The following CLNK variants were observed in gnomAD, a reference collection of about 807,000 sequenced individuals.
The protein encoded by CLNK is cytokine dependent hematopoietic cell linker, also known as cytokine-dependent hematopoietic cell linker.
Under a neutral mutation model 68.6 loss-of-function variants are expected in CLNK, and 74 were observed. The ratio of observed to expected loss-of-function variants is 1.08; its 90% CI spans 0.89 to 1.31. The LOEUF is 1.31. Ranked by LOEUF, CLNK falls within the 50% of genes most tolerant of loss-of-function variation. CLNK has a pLI of 0.00. For missense variants in CLNK, 553 were observed against 515.3 expected (o/e 1.07, Z -0.71); for synonymous variants, 198 against 172.2 (o/e 1.15, Z -1.17).
chr4:10,679,833 G>A (rs1295460026), intron 1 of CLNK, among the ~76,000 whole-genome samples: 1 of 152,130 alleles, frequency 6.6e-6, no homozygotes, highest in East Asian at 1.9e-4. Flanking sequence ...TCTCACACCA[G>A]TTAGAATGGC....
chr4:10,621,918 C>A (rs1722475044), intron 2 of CLNK, among the ~76,000 whole-genome samples: 1 of 152,112 alleles, frequency 6.6e-6, no homozygotes, highest in Admixed American at 6.5e-5. Flanking sequence ...TGCCATTTAG[C>A]CCAGGTATTT....
the CLNK span, among the ~76,000 whole-genome samples, chr4:10,729,589 A>G: frequency 6.6e-6 from 1 of 152,188 alleles, no homozygotes; most frequent in African/African-American, 2.4e-5. Context: ...CTGAAATACT[A>G]TTCAGCCATA....
chr4:10,716,652 G>A, the CLNK span, among the ~76,000 whole-genome samples: 7 of 147,492 alleles, frequency 4.7e-5, no homozygotes, highest in Middle Eastern at 3.8e-3. Context: ...CTACCAAAAG[G>A]AATAGGAAAG....
intron 8 of CLNK, among the ~76,000 whole-genome samples, chr4:10,553,495 A>G (rs1298782169): frequency 6.6e-6 from 1 of 151,662 alleles, no homozygotes; most frequent in Non-Finnish European, 1.5e-5. Flanking sequence ...TCTGTCACCC[A>G]GGCTGGAGTG....
chr4:10,706,773 G>A, the CLNK span, among the ~76,000 whole-genome samples: 3 of 152,216 alleles, frequency 2.0e-5, no homozygotes, highest in Middle Eastern at 6.8e-3. Context: ...AAGCCACCCT[G>A]CCTTGCCTTT....
At chr4:10,631,907 T>C (rs1033585032) in intron 2 of CLNK, among the ~76,000 whole-genome samples, 1 of 152,204 alleles carries the variant, frequency 6.6e-6, no homozygotes, top group African/African-American at 2.4e-5. Flanking sequence ...AATATGTCTT[T>C]TTTTGAGGTC....
chr4:10,621,689 G>A (rs1003934685), intron 2 of CLNK, among the ~76,000 whole-genome samples: 2 of 152,202 alleles, frequency 1.3e-5, no homozygotes, highest in African/African-American at 4.8e-5. Context: ...ATACTGTCAA[G>A]AAAAGGATGA....
the CLNK span, among the ~76,000 whole-genome samples, chr4:10,710,842 T>C: frequency 6.6e-5 from 10 of 152,194 alleles, no homozygotes; most frequent in Non-Finnish European, 8.8e-5. Context: ...TTTTGTACAG[T>C]CCTCTTCACA....
intron 14 of CLNK, among the ~76,000 whole-genome samples, chr4:10,522,572 CAAA>C (rs58663693): frequency 3.4e-5 from 4 of 116,386 alleles, no homozygotes; most frequent in South Asian, 3.1e-4. Flanking sequence ...GAAACTCTCT[CAAA>C]AAAAAAAAAA....
chr4:10,513,832 A>ATTATTATTATT, intron 15 of CLNK, among the ~76,000 whole-genome samples: 1 of 145,660 alleles, frequency 6.9e-6, no homozygotes, highest in African/African-American at 2.5e-5. Context: ...TTTTTTTTTA[A>ATTATTATTATT]ATTATTATTA....
the CLNK span, among the ~76,000 whole-genome samples, chr4:10,691,058 T>C: frequency 6.6e-6 from 1 of 152,064 alleles, no homozygotes; most frequent in Non-Finnish European, 1.5e-5. Flanking sequence ...GAGGTCTAAG[T>C]AATGAAAAAG....
the CLNK span, among the ~76,000 whole-genome samples, chr4:10,716,346 C>A: frequency 6.6e-6 from 1 of 152,208 alleles, no homozygotes; most frequent in African/African-American, 2.4e-5. Context: ...TAAAAGAGAA[C>A]CATGAAGAAC....
At chr4:10,535,293 G>A (rs1267681962) in intron 11 of CLNK, among the ~76,000 whole-genome samples, 1 of 148,976 alleles carries the variant, frequency 6.7e-6, no homozygotes, top group Non-Finnish European at 1.5e-5. Flanking sequence ...TTAGGCAAGT[G>A]GGTGTTTTGT....
chr4:10,691,079 G>A, the CLNK span, among the ~76,000 whole-genome samples: 3 of 152,120 alleles, frequency 2.0e-5, no homozygotes, highest in South Asian at 2.1e-4. Context: ...ACCCAGCCAC[G>A]TGAAGCTCTG....
At position 10,576,798 on chromosome 4, in the gene CLNK, T is replaced by C. The variant is rs577617090; in HGVS notation, c.113-5020A>G. On this transcript the variant is annotated intron_variant, in intron 4 of 18. Coordinates refer to ENST00000226951, the MANE Select transcript of CLNK (RefSeq NM_052964.4). The stretch of plus-strand genomic sequence containing the variant: ...CTGGTGACATTTATTCACCTTGAAG[T>C]TTTAGAACCGCTAAGTTAGAAGCTC... 4.0e-3 allele frequency among the ~76,000 whole-genome samples: 606 copies of C among 152,328 alleles called. 2 individuals carry two copies. The highest frequency in any genetic ancestry group is 6.9e-3 in the Non-Finnish European group (472 of 68,020).
At chr4:10,566,282 G>A (rs1398201751) in intron 5 of CLNK, 132 bp from the exon 6 acceptor site, 1 of 847,470 alleles carries the variant, frequency 1.2e-6, no homozygotes, top group East Asian at 2.4e-5. Context: ...CTAGGGTCTG[G>A]GATCTTAAAT....
intron 16 of CLNK, among the ~76,000 whole-genome samples, chr4:10,509,842 T>A (rs1431184614): frequency 6.6e-6 from 1 of 152,124 alleles, no homozygotes; most frequent in East Asian, 1.9e-4. Context: ...TCACCTCTTA[T>A]TTGACCTAGT....
At chr4:10,490,678 A>T in intron 18 of CLNK, 65 bp from the exon 19 acceptor site, 2 of 1,350,098 alleles carry the variant, frequency 1.5e-6, no homozygotes, top group Middle Eastern at 2.4e-4. Context: ...GTTAAAGTAT[A>T]GCCAAGGTGC....
At chr4:10,731,666 C>A in the CLNK span, among the ~76,000 whole-genome samples, 15 of 152,282 alleles carry the variant, frequency 9.9e-5, 1 homozygote, top group South Asian at 3.1e-3. Context: ...CCAATAATTT[C>A]TTATGAGTGT....
Sources: gnomAD v4.1 joint callset for allele counts (sites outside exome capture counted in the v4.1 genomes callset) on GRCh38, gnomAD v4.1.1 for gene constraint, MANE v1.5 for transcripts, NCBI Gene and HGNC (gene_info 2026-07-23, HGNC 2026-07-21) for gene names.